The following ATP13A5 variants were observed in gnomAD, a reference collection of about 807,000 sequenced individuals.
ATP13A5 encodes the protein probable cation-transporting ATPase 13A5.
In ATP13A5, 149 loss-of-function variants were observed where a neutral mutation model predicts 150.2. The observed-to-expected ratio is 0.99, with a 90% confidence interval of 0.87 to 1.14. The LOEUF (loss-of-function observed/expected upper bound fraction) is 1.14. ATP13A5 is among the 50% of genes most tolerant of loss of function. The pLI is 0.00. For synonymous variants in ATP13A5, 497 were observed against 522.2 expected (o/e 0.95, Z 0.66); for missense variants, 1,383 against 1,449.3 (o/e 0.95, Z 0.74).
Position 193,351,196 on chromosome 3 carries a change from T to C in ATP13A5, c.612A>G (p.Leu204=). The change falls in exon 7 of 30, where the codon TTA becomes TTG. Residue 204 remains leucine, a synonymous_variant. Transcript: ENST00000342358. ...AGGCTTGGAACACATAGAATGGATT[T>C]AAAACCTGCAGGCACAAAAATGGCA... ...PIWKLLVKQV[L]NPFYVFQAFT... 2 of 1,613,668 alleles carry C rather than the reference T, an allele frequency of 1.2e-6. No homozygotes were observed. The highest frequency in any genetic ancestry group is 1.7e-6 in the Non-Finnish European group (2 of 1,179,652).
intron 11 of ATP13A5, among the ~76,000 whole-genome samples, chr3:193,332,802 G>T (rs555060323): frequency 6.6e-6 from 1 of 152,242 alleles, no homozygotes; most frequent in African/African-American, 2.4e-5. Flanking sequence ...TAGTCTTGTT[G>T]CCTCAGTGTG....
At chr3:193,373,307 T>A (rs79644443) in intron 1 of ATP13A5, among the ~76,000 whole-genome samples, 4 of 152,006 alleles carry the variant, frequency 2.6e-5, no homozygotes, top group African/African-American at 9.7e-5. Context: ...CCAGCTAATT[T>A]TTTTTCTTTT....
rs138527225 is a variant in ATP13A5 at position 193,279,550 on chromosome 3, C to T, written c.3227-96G>A. On this transcript the variant is annotated intron_variant, in intron 27 of 29. Coordinates refer to ENST00000342358, the MANE Select transcript of ATP13A5 (RefSeq NM_198505.4). ...ATCAATTATCTCTGTTGGGCAAATA[C>T]CAGATATATCTTCAGATGTTTTGAT... 5.1e-5 allele frequency: 44 copies of T among 862,566 alleles called. No individual in the cohort carries two copies. In the East Asian group the frequency reaches 9.2e-4, roughly 18 times the overall value. The allele number at this position is 862,566 out of a possible 1,614,324, so 53.4% of individuals were successfully genotyped here.
intron 1 of ATP13A5, chr3:193,372,190 A>C (rs925781741): frequency 1.2e-5 from 2 of 171,294 alleles, no homozygotes; most frequent in African/African-American, 4.9e-5. Flanking sequence ...CCAACTACTC[A>C]GTAGACTGAG....
intron 9 of ATP13A5, among the ~76,000 whole-genome samples, chr3:193,342,426 A>T (rs1577360344): frequency 6.6e-6 from 1 of 152,202 alleles, no homozygotes; most frequent in Non-Finnish European, 1.5e-5. Flanking sequence ...TGGGATTTAG[A>T]TCTTTCTGAA....
rs1272794653 is a variant in ATP13A5 at position 193,274,936 on chromosome 3, T to G, written c.*106A>C. The G allele has an allele frequency of 6.8e-7, 1 of 1,462,594 alleles. No homozygotes were observed. The highest frequency in any genetic ancestry group is 2.3e-5 in the East Asian group (1 of 44,016). The allele number at this position is 1,462,594 out of a possible 1,614,324, so 90.6% of individuals were successfully genotyped here. ...TCATTGAAAATATACTTTGAATGCT[T>G]GAATGGAGAGAGGAAAGGTAAGGGG... On this transcript the variant is annotated 3_prime_UTR_variant, in exon 30 of 30. Coordinates refer to ENST00000342358, the MANE Select transcript of ATP13A5 (RefSeq NM_198505.4).
chr3:193,377,778 C>T (rs765718383), intron 1 of ATP13A5, among the ~76,000 whole-genome samples: 1 of 152,212 alleles, frequency 6.6e-6, no homozygotes, highest in South Asian at 2.1e-4. Flanking sequence ...TGTGCCCTCA[C>T]TCTGACCCTT....
At chr3:193,320,420 A>G (rs1489500973) in intron 16 of ATP13A5, among the ~76,000 whole-genome samples, 1 of 152,230 alleles carries the variant, frequency 6.6e-6, no homozygotes, top group East Asian at 1.9e-4. Flanking sequence ...TTGGGAAAAC[A>G]GGAAGAACTG....
At chr3:193,310,034 CAAGT>C (rs1191344382) in intron 21 of ATP13A5, among the ~76,000 whole-genome samples, 1 of 152,168 alleles carries the variant, frequency 6.6e-6, no homozygotes, top group East Asian at 1.9e-4. Flanking sequence ...CCTCTGCTCT[CAAGT>C]AGACCCCAAT....
At position 193,313,806 on chromosome 3, in the gene ATP13A5, G is replaced by C. The variant is rs1427735927; in HGVS notation, c.2319+227C>G. ...CACCTGATGCCAGTTCCTACCCCAG[G>C]GGTTCTGATTTAATTGGTGCAGCCT... On this transcript the variant is annotated intron_variant, in intron 19 of 29. Coordinates refer to ENST00000342358, the MANE Select transcript of ATP13A5 (RefSeq NM_198505.4). 8.7e-6 allele frequency: 4 copies of C among 462,390 alleles called. No individual in the cohort carries two copies. In the East Asian group the frequency reaches 1.0e-4, roughly 12 times the overall value. 28.6% of individuals were successfully genotyped at this position (462,390 alleles called of 1,614,324 possible).
chr3:193,368,326 T>C (rs1211190487), intron 1 of ATP13A5, among the ~76,000 whole-genome samples: 2 of 151,880 alleles, frequency 1.3e-5, no homozygotes, highest in African/African-American at 4.8e-5. Context: ...AAGACCTAAA[T>C]AAACGAAGAG....
chr3:193,315,032 C>G lies in ATP13A5; in HGVS notation c.2098G>C (p.Glu700Gln). The change falls in exon 18 of 30, where the codon GAA becomes CAA. Residue 700 changes from glutamate to glutamine, a missense_variant. Physicochemically the swap from Glu to Gln is conservative, Grantham distance 29. Transcript: ENST00000342358. ...AGTTCCTTCAAGACCAGTTTGGTTTCTTTTTTCAAGCGATTCTCCATGATG... is the reference window on the plus strand; with the variant it reads ...AGTTCCTTCAAGACCAGTTTGGTTTGTTTTTTCAAGCGATTCTCCATGATG... ...LLIMENRLKK[E>Q]TKLVLKELSE... 6.2e-7 allele frequency: 1 copy of G among 1,612,414 alleles called. No individual in the cohort carries two copies. Among genetic ancestry groups the G allele is most frequent in the East Asian group, 2.2e-5 (1 of 44,774 alleles).
At position 193,322,465 on chromosome 3, in the gene ATP13A5, A is replaced by G. The variant is rs370279943; in HGVS notation, c.1758+26T>C. 2.4e-5 allele frequency: 37 copies of G among 1,513,512 alleles called. No homozygotes were observed. The African/African-American group carries it at 4.4e-4, about 18-fold the overall frequency. The allele number at this position is 1,513,512 out of a possible 1,614,324, so 93.8% of individuals were successfully genotyped here. A position where few individuals can be genotyped will look rare whatever the true frequency, so the allele number is the denominator to read the frequency against. On this transcript the variant is annotated intron_variant, in intron 15 of 29. Coordinates refer to ENST00000342358, the MANE Select transcript of ATP13A5 (RefSeq NM_198505.4). ...TTACCAGTTTTATGGGGAAAGAGCT[A>G]TGTGATGTAAAGAAGGAAATCATAC...
chr3:193,313,946 C>A, intron 19 of ATP13A5, 87 bp downstream of exon 19: 1 of 1,423,878 alleles, frequency 7.0e-7, no homozygotes, highest in Non-Finnish European at 9.7e-7. Context: ...ACTGAGATGA[C>A]TCCTGGAGTT....
chr3:193,373,046 G>A (rs953169629), intron 1 of ATP13A5, among the ~76,000 whole-genome samples: 4 of 152,074 alleles, frequency 2.6e-5, no homozygotes, highest in Admixed American at 6.6e-5. Context: ...GTTTTTTTGA[G>A]GGGAAGTTCT....
chr3:193,368,301 C>T (rs189128965), intron 1 of ATP13A5, among the ~76,000 whole-genome samples: 35 of 151,964 alleles, frequency 2.3e-4, no homozygotes, highest in Non-Finnish European at 3.8e-4. Context: ...TACATATCAT[C>T]GCCAAGAGAA....
At position 193,311,850 on chromosome 3, in the gene ATP13A5, A is replaced by G. The variant is rs2108852008; in HGVS notation, c.2411T>C (p.Val804Ala). ...HFAMSGKSYQ[V>A]IFQHFNSLLP... Reference sequence around the variant, plus strand: ...CAAGCTGTTGAAATGCTGAAATATCACTTGGTATGATTTCCCACTCATTGC... The same window carrying G: ...CAAGCTGTTGAAATGCTGAAATATCGCTTGGTATGATTTCCCACTCATTGC... Residue 804 changes from valine (V) to alanine (A), a missense_variant, in exon 20 of 30, where the codon GTG (valine) becomes GCG (alanine). Physicochemically the swap from Val to Ala is moderately conservative, Grantham distance 64. Coordinates refer to ENST00000342358, the MANE Select transcript of ATP13A5 (RefSeq NM_198505.4). 6.2e-7 allele frequency: 1 copy of G among 1,613,874 alleles called. No individual in the cohort carries two copies. Among genetic ancestry groups the G allele is most frequent in the African/African-American group, 1.3e-5 (1 of 75,024 alleles).
chr3:193,330,601 T>G (rs1711594628), intron 12 of ATP13A5, among the ~76,000 whole-genome samples: 1 of 152,196 alleles, frequency 6.6e-6, no homozygotes, highest in Admixed American at 6.5e-5. Flanking sequence ...GTTCCCCATG[T>G]GGCATATGCT....
intron 9 of ATP13A5, among the ~76,000 whole-genome samples, chr3:193,337,049 C>T (rs868535311): frequency 1.3e-5 from 2 of 152,286 alleles, no homozygotes. Flanking sequence ...TGAGAAGTGT[C>T]TGTTCATATC....
Sources: allele counts gnomAD v4.1 joint callset (sites outside exome capture counted in the v4.1 genomes callset), GRCh38; gene constraint gnomAD v4.1.1; transcripts MANE v1.5; gene names NCBI Gene and HGNC (gene_info 2026-07-23, HGNC 2026-07-21).